Variants in NAT16 observed in about 807,000 individuals in gnomAD.
The protein encoded by NAT16 is N-acetyltransferase 16 (putative), also known as probable N-acetyltransferase 16.
NAT16 carries 16 observed loss-of-function variants against 15.9 expected under a neutral mutation model. The observed-to-expected ratio is 1.01, with a 90% CI of 0.68 to 1.53. The LOEUF (loss-of-function observed/expected upper bound fraction) is 1.53, where lower values mean the gene tolerates loss of function less well. Ranked by LOEUF, NAT16 falls within the 40% of genes most tolerant of loss-of-function variation. The pLI, the probability that NAT16 is intolerant of heterozygous loss-of-function variation, is 0.00. For missense variants in NAT16, 572 were observed against 508.4 expected (o/e 1.13, Z -1.20); for synonymous variants, 260 against 241.9 (o/e 1.07, Z -0.69).
intron 2 of NAT16, 95 bp from the exon 3 acceptor site, chr7:101,173,615 A>G: frequency 8.9e-7 from 1 of 1,121,716 alleles, no homozygotes; most frequent in Non-Finnish European, 1.2e-6. Context: ...CACGCTGAGC[A>G]CTCCGCGTCA....
rs1360699824 is a variant in NAT16, at chr7:101,174,522, C to A, written c.286G>T (p.Val96Leu). The A allele has an allele frequency of 1.9e-6, 3 of 1,613,328 alleles. No homozygotes were observed. The highest frequency in any genetic ancestry group is 1.3e-5 in the African/African-American group (1 of 74,948). Residue 96 changes from valine (V) to leucine (L), a missense_variant, in exon 2 of 4, where the codon GTG (valine) becomes TTG (leucine). By Grantham distance (32) the Val-to-Leu change is conservative. Coordinates refer to ENST00000300303, the MANE Select transcript of NAT16 (RefSeq NM_198571.3). Reference protein sequence around the residue: ...SWLRDPDRTVVLAKRNGGVIA... With the variant: ...SWLRDPDRTVLLAKRNGGVIA... ...ACGCCTCCGTTGCGCTTGGCCAGCA[C>A]CACCGTGCGGTCGGGGTCCCGGAGC...
rs1008171117 is a variant in NAT16, at chr7:101,172,469, C to G, written c.720G>C (p.Gly240=). The G allele has an allele frequency of 1.9e-5, 30 of 1,600,400 alleles. No homozygotes were observed. The highest frequency in any genetic ancestry group is 2.2e-5 in the Non-Finnish European group (26 of 1,177,362). Residue 240 remains glycine (G), a synonymous_variant, in exon 4 of 4, where the codon GGG becomes GGC. Transcript: ENST00000300303. The surrounding 1 kb of genome is among the most constrained non-coding windows in gnomAD (Gnocchi z 4.2). ...AGGGCTGCCAGTCCTGGATGATGGT[C>G]CCGCCTGGAAGCACGTCGCGCTGCA... ...PSVQRDVLPG[G]TIIQDWQPYR...
In NAT16 at chr7:101,174,651, A is replaced by G. The variant is rs114824396; in HGVS notation, c.157T>C (p.Leu53=). ...CGTTCCGTGGCCACCACGAAGTCCA[A>G]TGGCTCGGCCTCAGCCTCAGGCCCC... ...GSGPEAEAEP[L]DFVVATEREF... is the part of the protein sequence containing the mutation. The change falls in exon 2 of 4, where the codon TTG becomes CTG. Residue 53 remains leucine, a synonymous_variant. Coordinates refer to ENST00000300303, the MANE Select transcript of NAT16 (RefSeq NM_198571.3). The G allele has an allele frequency of 3.0e-5, 48 of 1,613,714 alleles. No individual in the cohort carries two copies. The highest frequency in any genetic ancestry group is 2.0e-4 in the South Asian group (18 of 91,064).
intron 2 of NAT16, 58 bp downstream of exon 2, chr7:101,174,438 T>G (rs1797418707): frequency 1.3e-6 from 2 of 1,507,556 alleles, no homozygotes; most frequent in African/African-American, 2.8e-5. Context: ...CTTCCTAAGA[T>G]CCACGCACCC....
In NAT16 at chr7:101,174,597, C is replaced by G. The variant is rs750463591; in HGVS notation, c.211G>C (p.Gly71Arg). 1 of 1,614,218 alleles carries G rather than the reference C, an allele frequency of 6.2e-7. No individual in the cohort carries two copies. The change falls in exon 2 of 4, where the codon GGG becomes CGG. Residue 71 changes from glycine (G) to arginine (R), a missense_variant. By Grantham distance (125) the Gly-to-Arg change is moderately radical. Coordinates refer to ENST00000300303, the MANE Select transcript of NAT16 (RefSeq NM_198571.3). Reference sequence around the variant, plus strand: ...TAGTCCAGGCCGCCGTAGATGCCCCCCGAGATGGCCAGCACTTCCTCAAAC... The same window carrying G: ...TAGTCCAGGCCGCCGTAGATGCCCCGCGAGATGGCCAGCACTTCCTCAAAC... ...REFEEVLAIS[G>R]GIYGGLDYLP...
chr7:101,172,129 C>A lies in NAT16; in HGVS notation c.1060G>T (p.Glu354Ter). Residue 354 changes from glutamate (E) to a stop codon, truncating the protein, a stop_gained, in exon 4 of 4, where the codon GAG (glutamate) becomes TAG (stop). Coordinates refer to ENST00000300303, the MANE Select transcript of NAT16 (RefSeq NM_198571.3). LOFTEE classifies it high-confidence loss of function. This position sits in a 1 kb window ranked among gnomAD's most constrained non-coding sequence, Gnocchi z 4.2. ...TGTTCAGTATAACCCTTCACCAGCTCCAGTCCCAGCCCGACCTGGCAGAAG... is the reference window on the plus strand; with the variant it reads ...TGTTCAGTATAACCCTTCACCAGCTACAGTCCCAGCCCGACCTGGCAGAAG... ...ADFCQVGLGL[E>*]LVKGYTEQYL... 1 of 1,614,100 alleles carries A rather than the reference C, an allele frequency of 6.2e-7. No homozygotes were observed. The highest frequency in any genetic ancestry group is 8.5e-7 in the Non-Finnish European group (1 of 1,179,988).
Position 101,174,518 on chromosome 7 carries a change from A to G in NAT16, c.290T>C (p.Leu97Pro), listed in dbSNP as rs374694349. ...WLRDPDRTVVLAKRNGGVIAL... is the reference protein window; with the variant it reads ...WLRDPDRTVVPAKRNGGVIAL... ...CACCACGCCTCCGTTGCGCTTGGCC[A>G]GCACCACCGTGCGGTCGGGGTCCCG... The change falls in exon 2 of 4, where the codon CTG becomes CCG. Residue 97 changes from leucine (L) to proline (P), a missense_variant. Leu to Pro is a moderately conservative substitution (Grantham distance 98). Coordinates refer to ENST00000300303, the MANE Select transcript of NAT16 (RefSeq NM_198571.3). The G allele has an allele frequency of 9.9e-6, 16 of 1,613,130 alleles. No homozygotes were observed. Among genetic ancestry groups the G allele is most frequent in the Non-Finnish European group, 1.0e-5 (12 of 1,179,670 alleles).
chr7:101,174,351 C>T (rs1797414679), intron 2 of NAT16, 145 bp downstream of exon 2: 3 of 1,106,586 alleles, frequency 2.7e-6, no homozygotes, highest in Non-Finnish European at 3.8e-6. Flanking sequence ...GCACTGCACG[C>T]CCTGCACTTT....
chr7:101,174,124 C>T lies in NAT16; in HGVS notation c.312+372G>A, dbSNP rs377450929. On this transcript the variant is annotated intron_variant, in intron 2 of 3. Coordinates refer to ENST00000300303, the MANE Select transcript of NAT16 (RefSeq NM_198571.3). ...TGGCTCCTCCCCCGGGAGTTTGCCACGCCCCACTTCCTCTTAGCTCCTCCC... is the reference window on the plus strand; with the variant it reads ...TGGCTCCTCCCCCGGGAGTTTGCCATGCCCCACTTCCTCTTAGCTCCTCCC... 66 of 357,954 alleles carry T rather than the reference C, an allele frequency of 1.8e-4. No homozygotes were observed. In the East Asian group the frequency reaches 2.7e-3, roughly 15 times the overall value. 22.2% of individuals were successfully genotyped at this position (357,954 alleles called of 1,614,324 possible). A position where few individuals can be genotyped will look rare whatever the true frequency, so the allele number is the denominator to read the frequency against.
rs371165823 is a variant in NAT16, at chr7:101,172,619, C to T, written c.570G>A (p.Ala190=). ...GCCGCGCGCCCAGCCCGGCCAGCAGCGCGGACGCGTTGAATCGGACCAAAA... is the reference window on the plus strand; with the variant it reads ...GCCGCGCGCCCAGCCCGGCCAGCAGTGCGGACGCGTTGAATCGGACCAAAA... ...GILLVRFNAS[A]LLAGLGARLA... The change falls in exon 4 of 4, where the codon GCG becomes GCA. Residue 190 remains alanine, a synonymous_variant. Coordinates refer to ENST00000300303, the MANE Select transcript of NAT16 (RefSeq NM_198571.3). The surrounding 1 kb of genome is among the most constrained non-coding windows in gnomAD (Gnocchi z 4.2). The T allele has an allele frequency of 2.0e-6, 3 of 1,524,356 alleles. No homozygotes were observed. The Admixed American group carries it at 6.0e-5, about 31-fold the overall frequency. 94.4% of individuals were successfully genotyped at this position (1,524,356 alleles called of 1,614,324 possible). A position where few individuals can be genotyped will look rare whatever the true frequency, so the allele number is the denominator to read the frequency against.
At chr7:101,174,409 G>C in intron 2 of NAT16, 87 bp downstream of exon 2, 1 of 1,440,994 alleles carries the variant, frequency 6.9e-7, no homozygotes, top group Non-Finnish European at 9.1e-7. Context: ...GAAGGCTGGG[G>C]AGAAGCTCTC....
In NAT16 at chr7:101,172,670, A is replaced by G. The variant is rs1163911451; in HGVS notation, c.538-19T>C. ...GGATGCCCTGCGGGGGGCACGAGTG[A>G]GCGCGGGGAGGGGGGGCGCAGCAGG... On this transcript the variant is annotated intron_variant, in intron 3 of 3. Transcript: ENST00000300303. This position sits in a 1 kb window ranked among gnomAD's most constrained non-coding sequence, Gnocchi z 4.2. 1 of 1,459,920 alleles carries G rather than the reference A, an allele frequency of 6.8e-7. No individual in the cohort carries two copies. Among genetic ancestry groups the G allele is most frequent in the East Asian group, 2.8e-5 (1 of 36,032 alleles). 90.4% of individuals were successfully genotyped at this position (1,459,920 alleles called of 1,614,324 possible).
intron 1 of NAT16, among the ~76,000 whole-genome samples, chr7:101,177,320 T>G (rs979516548): frequency 6.6e-6 from 1 of 152,116 alleles, no homozygotes; most frequent in African/African-American, 2.4e-5. Context: ...CCTCTTATTA[T>G]TATTGTTGTT....
rs1351775045 is a variant in NAT16, at chr7:101,174,727, TGGCTCTGCATCTC to T, written c.68_80del (p.Arg23GlnfsTer78). 6.2e-7 allele frequency: 1 copy of T among 1,611,218 alleles called. No individual in the cohort carries two copies. Among genetic ancestry groups the T allele is most frequent in the Non-Finnish European group, 8.5e-7 (1 of 1,179,576 alleles). On this transcript the variant is annotated frameshift_variant, in exon 2 of 4. Transcript: ENST00000300303. LOFTEE classifies it high-confidence loss of function. ...CCTCCTGTGGCCGGGTTTCAGAGCT[TGGCTCTGCATCTC>T]GGGCAGTCTTCTTTTCCGGCTTAGG...
At position 101,174,488 on chromosome 7, in the gene NAT16, G is replaced by A. The variant is rs747003066; in HGVS notation, c.312+8C>T. On this transcript the variant is annotated splice_region_variant and intron_variant, in intron 2 of 3. Transcript: ENST00000300303. ...CCCATGTCACCTGGGCCGTGCCCCCGGGCTCACCACGCCTCCGTTGCGCTT... is the reference window on the plus strand; with the variant it reads ...CCCATGTCACCTGGGCCGTGCCCCCAGGCTCACCACGCCTCCGTTGCGCTT... 25 of 1,605,434 alleles carry A rather than the reference G, an allele frequency of 1.6e-5. No individual in the cohort carries two copies. In the South Asian group the frequency reaches 2.1e-4, roughly 14 times the overall value.
chr7:101,171,810 C>T lies in NAT16; in HGVS notation c.*269G>A, dbSNP rs1797327905. 3 of 448,386 alleles carry T rather than the reference C, an allele frequency of 6.7e-6. No homozygotes were observed. Among genetic ancestry groups the T allele is most frequent in the Non-Finnish European group, 1.2e-5 (3 of 252,810 alleles). The allele number at this position is 448,386 out of a possible 1,614,324, so 27.8% of individuals were successfully genotyped here. On this transcript the variant is annotated 3_prime_UTR_variant, in exon 4 of 4. Coordinates refer to ENST00000300303, the MANE Select transcript of NAT16 (RefSeq NM_198571.3). ...CTTTGGAAAAACAGAGGGTGGATAA[C>T]AGCAGCTCAAGGCCCCCACCCCCAG...
At chr7:101,173,567 T>C (rs1396398459) in intron 2 of NAT16, 47 bp from the exon 3 acceptor site, 1 of 1,463,428 alleles carries the variant, frequency 6.8e-7, no homozygotes, top group Non-Finnish European at 9.1e-7. Flanking sequence ...CCTGCGCCCC[T>C]GCCAGGGCTG....
intron 1 of NAT16, among the ~76,000 whole-genome samples, chr7:101,175,929 A>T (rs1016265619): frequency 8.6e-5 from 13 of 151,722 alleles, no homozygotes; most frequent in African/African-American, 2.9e-4. Flanking sequence ...GTCAAAAAAA[A>T]AAAAAAAGAG....
Position 101,172,623 on chromosome 7 carries a change from G to A in NAT16, c.566C>T (p.Ser189Phe). Residue 189 changes from serine (S) to phenylalanine (F), a missense_variant, in exon 4 of 4, where the codon TCC becomes TTC. Coordinates refer to ENST00000300303, the MANE Select transcript of NAT16 (RefSeq NM_198571.3). The surrounding 1 kb of genome is among the most constrained non-coding windows in gnomAD (Gnocchi z 4.2). The stretch of plus-strand genomic sequence containing the variant: ...CGCGCCCAGCCCGGCCAGCAGCGCG[G>A]ACGCGTTGAATCGGACCAAAAGGAT... The part of the protein sequence containing the change: ...QGILLVRFNA[S>F]ALLAGLGARL... 1.3e-6 allele frequency: 2 copies of A among 1,524,370 alleles called. No homozygotes were observed. The highest frequency in any genetic ancestry group is 1.7e-6 in the Non-Finnish European group (2 of 1,144,206). The allele number at this position is 1,524,370 out of a possible 1,614,324, so 94.4% of individuals were successfully genotyped here.
Sources: gnomAD v4.1 joint callset for allele counts (sites outside exome capture counted in the v4.1 genomes callset) on GRCh38, gnomAD v4.1.1 for gene constraint, Gnocchi (gnomAD v3.1) non-coding constraint, MANE v1.5 for transcripts, NCBI Gene and HGNC (gene_info 2026-07-23, HGNC 2026-07-21) for gene names.